Variants in CPA6 observed in about 807,000 individuals in gnomAD.
CPA6 encodes carboxypeptidase A6, also known as carboxypeptidase B.
CPA6 carries 58 observed loss-of-function variants against 63.3 expected under a neutral mutation model. The observed-to-expected ratio is 0.92, with a 90% CI of 0.74 to 1.14. The LOEUF (loss-of-function observed/expected upper bound fraction) is 1.14, where lower values mean the gene tolerates loss of function less well. Among genes scored for constraint, CPA6 ranks in the 50% most tolerant of loss-of-function variants. CPA6 has a pLI of 0.00. For synonymous variants in CPA6, 185 were observed against 179.0 expected (o/e 1.03, Z -0.27); for missense variants, 565 against 526.6 (o/e 1.07, Z -0.71).
At chr8:67,694,899 T>C (rs1033046988) in intron 1 of CPA6, among the ~76,000 whole-genome samples, 7 of 152,124 alleles carry the variant, frequency 4.6e-5, no homozygotes, top group African/African-American at 1.7e-4. Context: ...TGTGATTATA[T>C]ACTGATTGAT....
At chr8:67,701,293 C>G (rs1280428786) in intron 1 of CPA6, among the ~76,000 whole-genome samples, 3 of 152,100 alleles carry the variant, frequency 2.0e-5, no homozygotes, top group Non-Finnish European at 4.4e-5. Context: ...TCTTGTTAAG[C>G]CTCAGTTGCC....
intron 1 of CPA6, among the ~76,000 whole-genome samples, chr8:67,726,222 C>T (rs1817594196): frequency 1.3e-5 from 2 of 152,136 alleles, no homozygotes; most frequent in Admixed American, 6.6e-5. Context: ...ATATATAGAT[C>T]ACTGGTGATG....
intron 1 of CPA6, among the ~76,000 whole-genome samples, chr8:67,646,588 A>G (rs897921408): frequency 2.6e-5 from 4 of 152,216 alleles, no homozygotes; most frequent in African/African-American, 4.8e-5. Flanking sequence ...ATAATGAATA[A>G]CAATTATAAC....
At chr8:67,475,779 T>G (rs1384381788) in intron 8 of CPA6, among the ~76,000 whole-genome samples, 8 of 61,992 alleles carry the variant, frequency 1.3e-4, no homozygotes, top group African/African-American at 9.0e-4. Flanking sequence ...CTTTCTTTCT[T>G]TCTTTCTTTC....
At chr8:67,523,623 A>G (rs1812304098) in intron 2 of CPA6, among the ~76,000 whole-genome samples, 1 of 152,246 alleles carries the variant, frequency 6.6e-6, no homozygotes, top group Admixed American at 6.5e-5. Flanking sequence ...ATTCTTTGCA[A>G]TGAAAAGAAG....
intron 6 of CPA6, among the ~76,000 whole-genome samples, chr8:67,496,848 G>A (rs908218012): frequency 6.6e-6 from 1 of 151,702 alleles, no homozygotes; most frequent in Non-Finnish European, 1.5e-5. Context: ...CGTGAGCCAC[G>A]GTGCCTGGCC....
At chr8:67,691,840 T>C (rs1381415997) in intron 1 of CPA6, among the ~76,000 whole-genome samples, 1 of 152,196 alleles carries the variant, frequency 6.6e-6, no homozygotes, top group Non-Finnish European at 1.5e-5. Context: ...AGAAGGGGGA[T>C]AGTGCTTGGA....
At chr8:67,628,599 T>C (rs1355089602) in intron 1 of CPA6, among the ~76,000 whole-genome samples, 1 of 152,264 alleles carries the variant, frequency 6.6e-6, no homozygotes, top group Non-Finnish European at 1.5e-5. Context: ...TCTGCATTAA[T>C]ACACGTACAC....
At chr8:67,466,618 C>A (rs1810931286) in intron 8 of CPA6, among the ~76,000 whole-genome samples, 1 of 152,198 alleles carries the variant, frequency 6.6e-6, no homozygotes, top group Non-Finnish European at 1.5e-5. Context: ...TTCCTCTTAA[C>A]ACTGCCTTTG....
intron 1 of CPA6, among the ~76,000 whole-genome samples, chr8:67,667,888 T>C (rs1221095167): frequency 1.3e-5 from 2 of 152,218 alleles, no homozygotes; most frequent in African/African-American, 4.8e-5. Context: ...TGAACAAGGA[T>C]GCTTCTAGCC....
chr8:67,484,323 C>T (rs1309967919), intron 7 of CPA6, among the ~76,000 whole-genome samples: 2 of 152,126 alleles, frequency 1.3e-5, no homozygotes, highest in Non-Finnish European at 2.9e-5. Flanking sequence ...CTGCCTGTCT[C>T]GGCTTCCCAA....
chr8:67,710,755 G>A (rs1231424065), intron 1 of CPA6, among the ~76,000 whole-genome samples: 3 of 151,220 alleles, frequency 2.0e-5, no homozygotes, highest in African/African-American at 7.3e-5. Flanking sequence ...GTCTGTTGGG[G>A]GGGGCTTAGA....
chr8:67,627,761 C>A (rs1671963111), intron 1 of CPA6, among the ~76,000 whole-genome samples: 1 of 152,186 alleles, frequency 6.6e-6, no homozygotes, highest in Admixed American at 6.5e-5. Flanking sequence ...CTTTGCCCTA[C>A]AAGACAAATG....
At chr8:67,611,703 A>T (rs1789399101) in intron 2 of CPA6, among the ~76,000 whole-genome samples, 1 of 152,180 alleles carries the variant, frequency 6.6e-6, no homozygotes, top group Non-Finnish European at 1.5e-5. Context: ...CCTAGTTCTC[A>T]TATGCTTTTT....
chr8:67,638,253 C>G (rs770706485), intron 1 of CPA6, among the ~76,000 whole-genome samples: 1 of 151,212 alleles, frequency 6.6e-6, no homozygotes, highest in Non-Finnish European at 1.5e-5. Context: ...ATGACTAGAA[C>G]AAAATGCCTT....
chr8:67,661,066 A>G (rs1816096692), intron 1 of CPA6, among the ~76,000 whole-genome samples: 1 of 152,220 alleles, frequency 6.6e-6, no homozygotes, highest in African/African-American at 2.4e-5. Context: ...TGTTCTAAGG[A>G]AATGCTCACA....
At chr8:67,544,897 C>G (rs1812780954) in intron 2 of CPA6, among the ~76,000 whole-genome samples, 1 of 152,148 alleles carries the variant, frequency 6.6e-6, no homozygotes, top group Non-Finnish European at 1.5e-5. Flanking sequence ...CCTTTTTCAT[C>G]CTAGAAGCTA....
At chr8:67,498,187 T>C (rs1811760792) in intron 6 of CPA6, among the ~76,000 whole-genome samples, 1 of 152,168 alleles carries the variant, frequency 6.6e-6, no homozygotes, top group Non-Finnish European at 1.5e-5. Flanking sequence ...TATTCTAGTT[T>C]TCTTTCTTTG....
At chr8:67,474,278 G>A (rs1399618571) in intron 8 of CPA6, among the ~76,000 whole-genome samples, 1 of 152,094 alleles carries the variant, frequency 6.6e-6, no homozygotes, top group Non-Finnish European at 1.5e-5. Context: ...CTTGAGTGCA[G>A]TGGTGCGATC....
Sources: allele counts gnomAD v4.1 joint callset (sites outside exome capture counted in the v4.1 genomes callset), GRCh38; gene constraint gnomAD v4.1.1; transcripts MANE v1.5; gene names NCBI Gene and HGNC (gene_info 2026-07-23, HGNC 2026-07-21).